The following RGL1 variants were observed in gnomAD, a reference collection of about 807,000 sequenced individuals.
RGL1 encodes the protein ral guanine nucleotide dissociation stimulator-like 1.
Under a neutral mutation model 95.2 loss-of-function variants are expected in RGL1, and 24 were observed. The ratio of observed to expected loss-of-function variants is 0.25; its 90% CI spans 0.18 to 0.35. The LOEUF is 0.35. RGL1 is among the 10% of genes least tolerant of loss of function. The pLI is 1.00. For synonymous variants in RGL1, 329 were observed against 344.9 expected (o/e 0.95, Z 0.51); for missense variants, 715 against 936.3 (o/e 0.76, Z 3.08).
intron 1 of RGL1, among the ~76,000 whole-genome samples, chr1:183,717,948 A>G (rs1211586686): frequency 1.3e-5 from 2 of 152,150 alleles, no homozygotes; most frequent in African/African-American, 2.4e-5. Flanking sequence ...TATTTCTGTT[A>G]AAAAGAGCTT....
intron 4 of RGL1, 26 bp downstream of exon 4, chr1:183,866,099 TA>T (rs778513571): frequency 1.3e-6 from 2 of 1,543,966 alleles, no homozygotes; most frequent in South Asian, 2.2e-5. Context: ...CTTTGCATTC[TA>T]AGCTCTCAGT....
chr1:183,694,012 T>C (rs1360887966), intron 1 of RGL1, among the ~76,000 whole-genome samples: 1 of 152,240 alleles, frequency 6.6e-6, no homozygotes, highest in East Asian at 1.9e-4. Flanking sequence ...GAAGGGCTGC[T>C]ATGGCATGGC....
intron 2 of RGL1, among the ~76,000 whole-genome samples, chr1:183,832,703 G>A (rs1663343458): frequency 6.6e-6 from 1 of 152,148 alleles, no homozygotes; most frequent in Non-Finnish European, 1.5e-5. Context: ...TCTTAGCTGT[G>A]TGACCTGGAA....
At chr1:183,674,877 A>G (rs1404101572) in intron 1 of RGL1, among the ~76,000 whole-genome samples, 1 of 152,054 alleles carries the variant, frequency 6.6e-6, no homozygotes, top group Admixed American at 6.5e-5. Flanking sequence ...CTTTATTTAG[A>G]TTTCTCTTCA....
At chr1:183,728,702 A>G (rs1305791696) in intron 1 of RGL1, among the ~76,000 whole-genome samples, 5 of 152,168 alleles carry the variant, frequency 3.3e-5, no homozygotes, top group African/African-American at 1.2e-4. Flanking sequence ...AGAAAGAACA[A>G]AGTTAGAACA....
At chr1:183,758,076 CA>C (rs567234178) in intron 2 of RGL1, among the ~76,000 whole-genome samples, 138 of 152,208 alleles carry the variant, frequency 9.1e-4, no homozygotes, top group Admixed American at 3.5e-3. Context: ...TTCCATTCCT[CA>C]AAGTGCTGGC....
At chr1:183,853,902 G>A (rs1664979359) in intron 3 of RGL1, among the ~76,000 whole-genome samples, 1 of 152,120 alleles carries the variant, frequency 6.6e-6, no homozygotes, top group Non-Finnish European at 1.5e-5. Context: ...CCTGGAAACT[G>A]TATTTCCCAA....
intron 4 of RGL1, among the ~76,000 whole-genome samples, chr1:183,867,373 G>A (rs538915065): frequency 3.3e-5 from 5 of 152,178 alleles, no homozygotes; most frequent in Admixed American, 1.3e-4. Context: ...TGTGTCCCCA[G>A]AAGACAAGCA....
intron 2 of RGL1, among the ~76,000 whole-genome samples, chr1:183,826,487 C>CT (rs1259731389): frequency 6.6e-6 from 1 of 152,088 alleles, no homozygotes; most frequent in African/African-American, 2.4e-5. Flanking sequence ...TTTCCCCCTG[C>CT]TATATTCCCA....
At chr1:183,742,037 T>C in intron 1 of RGL1, 1 of 1,017,518 alleles carries the variant, frequency 9.8e-7, no homozygotes, top group South Asian at 1.6e-5. Context: ...GTCTCACTAG[T>C]CAGAAGTCAA....
chr1:183,842,259 T>G (rs985891962), intron 2 of RGL1, among the ~76,000 whole-genome samples: 1 of 152,098 alleles, frequency 6.6e-6, no homozygotes. Context: ...GTCTCCATCC[T>G]AATGAGGTTG....
rs192752483 is a variant in RGL1, at chr1:183,703,570, C to T, written c.-32-38556C>T. ...TGGGCTACTTTTCTGATGTTTGAAG[C>T]GATTTATAGTACTGTTTTTCCATTA... is the stretch of plus-strand genomic sequence containing the variant. On this transcript the variant is annotated intron_variant, in intron 1 of 18. Coordinates refer to the RGL1 transcript ENST00000304685. 5.5e-3 allele frequency among the ~76,000 whole-genome samples: 836 copies of T among 152,188 alleles called. 7 individuals are homozygous for T. The highest frequency in any genetic ancestry group is 7.0e-3 in the Non-Finnish European group (475 of 68,018).
At chr1:183,887,556 T>C (rs1217139412) in intron 7 of RGL1, among the ~76,000 whole-genome samples, 1 of 152,134 alleles carries the variant, frequency 6.6e-6, no homozygotes, top group Non-Finnish European at 1.5e-5. Context: ...CATGTGCCTG[T>C]ATATGAAGCA....
intron 5 of RGL1, among the ~76,000 whole-genome samples, chr1:183,883,008 C>A: frequency 6.6e-6 from 1 of 152,094 alleles, no homozygotes; most frequent in East Asian, 1.9e-4. Flanking sequence ...AACCCGAGCA[C>A]TGGGGAAAGG....
chr1:183,899,831 C>T (rs1002775303), intron 10 of RGL1, among the ~76,000 whole-genome samples: 21 of 152,174 alleles, frequency 1.4e-4, no homozygotes, highest in African/African-American at 5.1e-4. Flanking sequence ...CCAGGAATGT[C>T]CCCATGCTCT....
chr1:183,876,885 T>C (rs1479531885), intron 4 of RGL1, among the ~76,000 whole-genome samples: 1 of 152,218 alleles, frequency 6.6e-6, no homozygotes, highest in African/African-American at 2.4e-5. Context: ...CGCTGAGCCA[T>C]TTTACCTTTT....
intron 1 of RGL1, among the ~76,000 whole-genome samples, chr1:183,650,387 T>TA (rs1650642251): frequency 6.6e-6 from 1 of 151,874 alleles, no homozygotes; most frequent in African/African-American, 2.4e-5. Flanking sequence ...ACTAAAAATG[T>TA]AAAAAATTAG....
chr1:183,746,753 T>A (rs1477883435), intron 2 of RGL1, among the ~76,000 whole-genome samples: 2 of 151,998 alleles, frequency 1.3e-5, no homozygotes, highest in Admixed American at 6.6e-5. Flanking sequence ...CCCATCAACC[T>A]GTCACCTACA....
intron 1 of RGL1, chr1:183,647,509 A>AAATAGTGTAACTTTAT: frequency 8.9e-7 from 1 of 1,127,398 alleles, no homozygotes. Context: ...ATTATGTTTA[A>AAATAGTGTAACTTTAT]AATAGTGTAA....
Sources: allele counts gnomAD v4.1 joint callset (sites outside exome capture counted in the v4.1 genomes callset), GRCh38; gene constraint gnomAD v4.1.1; transcripts MANE v1.5; gene names NCBI Gene and HGNC (gene_info 2026-07-23, HGNC 2026-07-21).